ZNF385D: variants seen among roughly 807,000 people sequenced by gnomAD.
ZNF385D encodes zinc finger protein 659.
Under a neutral mutation model 35.8 loss-of-function variants are expected in ZNF385D, and 15 were observed. The observed-to-expected ratio is 0.42, with a 90% CI of 0.28 to 0.64. The LOEUF is 0.64. Ranked by LOEUF, ZNF385D falls within the 30% of genes least tolerant of loss-of-function variation. The probability of loss-of-function intolerance (pLI) is 0.23; values close to 1 mark genes in which losing one functional copy is unlikely to be tolerated. For synonymous variants in ZNF385D, 212 were observed against 186.8 expected (o/e 1.13, Z -1.10); for missense variants, 474 against 494.6 (o/e 0.96, Z 0.39).
chr3:21,839,867 A>AG, intron 3 of ZNF385D, among the ~76,000 whole-genome samples: 1 of 152,116 alleles, frequency 6.6e-6, no homozygotes, highest in South Asian at 2.1e-4. Context: ...CCTCTACTGG[A>AG]GGGGTCAGAA....
chr3:22,352,652 T>C lies in ZNF385D; in HGVS notation c.106+19798A>G, dbSNP rs115439282. ...ATAACTTCCTATCACTAAAGGTTTA[T>C]GTACAAACATCCTGAGGTTTTCACC... On this transcript the variant is annotated intron_variant, in intron 2 of 5. Transcript: ENST00000494108. Among the ~76,000 whole-genome samples the C allele has an allele frequency of 4.9e-3, 745 of 152,298 alleles. 10 individuals are homozygous for C. Among genetic ancestry groups the C allele is most frequent in the African/African-American group, 0.016 (678 of 41,570 alleles).
At chr3:21,947,203 A>G (rs1424314510) in intron 3 of ZNF385D, among the ~76,000 whole-genome samples, 1 of 152,236 alleles carries the variant, frequency 6.6e-6, no homozygotes, top group Non-Finnish European at 1.5e-5. Context: ...CACACACAGC[A>G]TCAAACTTAT....
Position 21,738,519 on chromosome 3 carries a change from G to C in ZNF385D, c.22+12376C>G, listed in dbSNP as rs578013416. On this transcript the variant is annotated intron_variant, in intron 1 of 7. Transcript: ENST00000281523. Reference sequence around the variant, plus strand: ...TATTAGTAAGTTACACCTCTGCCTTGTGAAGTAGGGTGAGTTGCCATTATT... The same window carrying C: ...TATTAGTAAGTTACACCTCTGCCTTCTGAAGTAGGGTGAGTTGCCATTATT... Among the ~76,000 whole-genome samples the C allele has an allele frequency of 3.9e-5, 6 of 152,294 alleles. No homozygotes were observed. The East Asian group carries it at 1.2e-3, about 29-fold the overall frequency.
chr3:21,445,043 G>A (rs1202187612), intron 4 of ZNF385D, among the ~76,000 whole-genome samples: 1 of 152,164 alleles, frequency 6.6e-6, no homozygotes, highest in African/African-American at 2.4e-5. Context: ...ACAGAGTCTT[G>A]ACACGAATTG....
At chr3:21,751,381 A>ATGCG, upstream of ZNF385D, 1 of 1,019,416 alleles carries the variant, frequency 9.8e-7, no homozygotes, top group Non-Finnish European at 1.2e-6. Flanking sequence ...GCTCTCTTAA[A>ATGCG]GCGAGAAGAG....
chr3:21,555,170 G>T (rs1407123197), intron 3 of ZNF385D, among the ~76,000 whole-genome samples: 2 of 151,210 alleles, frequency 1.3e-5, no homozygotes, highest in Admixed American at 6.6e-5. Context: ...TAAATGAAAA[G>T]ATGTGTGACT....
intron 4 of ZNF385D, among the ~76,000 whole-genome samples, chr3:21,503,973 G>C (rs1022440965): frequency 6.6e-6 from 1 of 152,038 alleles, no homozygotes; most frequent in Admixed American, 6.6e-5. Context: ...AAAATTAAAA[G>C]AGAAAAAGGG....
At chr3:22,213,004 A>C (rs1259783781) in intron 2 of ZNF385D, among the ~76,000 whole-genome samples, 1 of 152,070 alleles carries the variant, frequency 6.6e-6, no homozygotes, top group African/African-American at 2.4e-5. Context: ...GTGGTGAATA[A>C]GATACTATTT....
intron 3 of ZNF385D, among the ~76,000 whole-genome samples, chr3:21,802,596 G>C (rs2072455898): frequency 6.6e-6 from 1 of 152,118 alleles, no homozygotes; most frequent in African/African-American, 2.4e-5. Context: ...ATGTGCATAT[G>C]TGGCAGGCAG....
intron 2 of ZNF385D, among the ~76,000 whole-genome samples, chr3:22,227,681 G>A (rs1220477354): frequency 1.3e-5 from 2 of 152,072 alleles, no homozygotes; most frequent in Non-Finnish European, 2.9e-5. Context: ...GCCCACCAGT[G>A]TGCCATGTCA....
At chr3:22,057,856 C>T (rs1435597950) in intron 3 of ZNF385D, among the ~76,000 whole-genome samples, 1 of 152,022 alleles carries the variant, frequency 6.6e-6, no homozygotes, top group Non-Finnish European at 1.5e-5. Flanking sequence ...ACCTCCATAC[C>T]CTGGAAGCAG....
intron 3 of ZNF385D, among the ~76,000 whole-genome samples, chr3:21,897,463 G>A (rs1419480324): frequency 2.0e-5 from 3 of 151,962 alleles, no homozygotes; most frequent in Admixed American, 6.6e-5. Flanking sequence ...TGCCCCTTAC[G>A]GCATCATGTA....
chr3:21,702,799 C>T (rs992871524), intron 1 of ZNF385D, among the ~76,000 whole-genome samples: 9 of 152,198 alleles, frequency 5.9e-5, no homozygotes, highest in African/African-American at 1.9e-4. Flanking sequence ...CCACCAGTTT[C>T]TTTGCTAAAA....
At position 21,412,578 on chromosome 3, in the gene ZNF385D, A is replaced by G. The variant is rs1282531162; in HGVS notation, c.*8636T>C. On this transcript the variant is annotated 3_prime_UTR_variant, in exon 8 of 8. Transcript: ENST00000281523. ...CGAAGAATAAGGACATGAACAGACC[A>G]ATGTCTTGACACCACTGGCAATATT... The G allele has an allele frequency of 6.6e-6, 1 of 152,094 alleles. No individual in the cohort carries two copies. The highest frequency in any genetic ancestry group is 1.9e-4 in the East Asian group (1 of 5,188). 9.4% of individuals were successfully genotyped at this position (152,094 alleles called of 1,614,324 possible). A position where few individuals can be genotyped will look rare whatever the true frequency, so the allele number is the denominator to read the frequency against.
At chr3:22,285,378 T>C (rs1182985684) in intron 2 of ZNF385D, among the ~76,000 whole-genome samples, 1 of 152,148 alleles carries the variant, frequency 6.6e-6, no homozygotes, top group Non-Finnish European at 1.5e-5. Context: ...ATGACAAATA[T>C]TTATTTTTCA....
intron 3 of ZNF385D, among the ~76,000 whole-genome samples, chr3:21,523,771 ATTT>A (rs11302631): frequency 6.7e-6 from 1 of 149,140 alleles, no homozygotes; most frequent in Admixed American, 6.7e-5. Flanking sequence ...GGCTGTGCAA[ATTT>A]TTTTTTTTTT....
intron 3 of ZNF385D, among the ~76,000 whole-genome samples, chr3:21,990,986 T>C (rs1269344880): frequency 6.6e-6 from 1 of 152,166 alleles, no homozygotes; most frequent in East Asian, 1.9e-4. Context: ...TACCAAGAAT[T>C]AGAATGGTAT....
chr3:22,170,277 G>A (rs1694322463), intron 2 of ZNF385D, among the ~76,000 whole-genome samples: 2 of 152,176 alleles, frequency 1.3e-5, no homozygotes, highest in Admixed American at 1.3e-4. Flanking sequence ...AGTGGTCCTT[G>A]CAATTATACA....
At chr3:21,876,297 A>T (rs946951396) in intron 3 of ZNF385D, among the ~76,000 whole-genome samples, 1 of 151,148 alleles carries the variant, frequency 6.6e-6, no homozygotes, top group Non-Finnish European at 1.5e-5. Context: ...TTGCTTATCT[A>T]TTAGGGGTGC....
Sources: gnomAD v4.1 joint callset for allele counts (sites outside exome capture counted in the v4.1 genomes callset) on GRCh38, gnomAD v4.1.1 for gene constraint, MANE v1.5 for transcripts, NCBI Gene and HGNC (gene_info 2026-07-23, HGNC 2026-07-21) for gene names.